Variants in PDZD8 observed in about 807,000 individuals in gnomAD.
PDZD8 encodes the protein PDZ domain containing 8.
A neutral mutation model predicts 85.8 loss-of-function variants in PDZD8; 14 were observed. That is an observed-to-expected ratio of 0.16 (90% CI 0.11 to 0.26). The LOEUF is 0.26. Among genes scored for constraint, PDZD8 ranks in the 10% least tolerant of loss-of-function variants. PDZD8 has a pLI of 1.00. For synonymous variants in PDZD8, 592 were observed against 568.6 expected (o/e 1.04, Z -0.59); for missense variants, 1,197 against 1,424.3 (o/e 0.84, Z 2.57).
chr10:117,319,433 A>ACACACACT (rs1403355327), intron 2 of PDZD8, among the ~76,000 whole-genome samples: 888 of 22,908 alleles, frequency 0.039, 11 homozygotes, highest in African/African-American at 0.052. Context: ...ACACACACAC[A>ACACACACT]CTCTTCATCT....
At chr10:117,335,407 T>C (rs1290150827) in intron 2 of PDZD8, among the ~76,000 whole-genome samples, 2 of 152,200 alleles carry the variant, frequency 1.3e-5, no homozygotes, top group African/African-American at 4.8e-5. Flanking sequence ...AAATATACAG[T>C]AAATGTAAAA....
chr10:117,365,688 C>T (rs1416180699), intron 1 of PDZD8, among the ~76,000 whole-genome samples: 1 of 152,076 alleles, frequency 6.6e-6, no homozygotes, highest in Non-Finnish European at 1.5e-5. Context: ...CAGTTTTATG[C>T]CAGTCTTAGC....
chr10:117,333,492 GA>G (rs1305269322), intron 2 of PDZD8, among the ~76,000 whole-genome samples: 3 of 152,038 alleles, frequency 2.0e-5, no homozygotes, highest in Non-Finnish European at 4.4e-5. Flanking sequence ...AACTACTCAG[GA>G]AAAAAGCAAA....
intron 2 of PDZD8, among the ~76,000 whole-genome samples, chr10:117,334,161 C>T (rs1215296146): frequency 6.6e-6 from 1 of 152,178 alleles, no homozygotes. Context: ...CAGAAGCCTG[C>T]TTTGAGATTA....
intron 2 of PDZD8, 56 bp from the exon 3 acceptor site, chr10:117,319,030 T>G: frequency 8.2e-7 from 1 of 1,224,928 alleles, no homozygotes; most frequent in Non-Finnish European, 1.2e-6. Flanking sequence ...TCATTAAAAT[T>G]TTTCTTTCTG....
chr10:117,324,108 A>G (rs1015826054), intron 2 of PDZD8, among the ~76,000 whole-genome samples: 4 of 150,584 alleles, frequency 2.7e-5, no homozygotes, highest in Non-Finnish European at 5.9e-5. Context: ...CACACCTGTA[A>G]TCTCAGCCAC....
At chr10:117,293,315 C>A (rs925503364) in intron 3 of PDZD8, among the ~76,000 whole-genome samples, 1 of 151,938 alleles carries the variant, frequency 6.6e-6, no homozygotes, top group Non-Finnish European at 1.5e-5. Flanking sequence ...ATATGCCTGG[C>A]ACTATAAAAC....
At chr10:117,348,071 T>C (rs1744414430) in intron 1 of PDZD8, among the ~76,000 whole-genome samples, 2 of 152,208 alleles carry the variant, frequency 1.3e-5, no homozygotes, top group Non-Finnish European at 2.9e-5. Flanking sequence ...CCAATTAAAT[T>C]GTAAGTTTTA....
At chr10:117,343,550 A>G (rs1844653849) in intron 1 of PDZD8, among the ~76,000 whole-genome samples, 1 of 152,222 alleles carries the variant, frequency 6.6e-6, no homozygotes, top group Non-Finnish European at 1.5e-5. Flanking sequence ...AAAAATTATA[A>G]TAACCATATA....
chr10:117,285,684 A>C, intron 4 of PDZD8: 1 of 1,201,824 alleles, frequency 8.3e-7, no homozygotes, highest in Non-Finnish European at 1.1e-6. Flanking sequence ...GATATCCTGG[A>C]GATGTTTACC....
chr10:117,278,295 A>G lies in PDZD8; in HGVS notation c.*4973T>C, dbSNP rs540858649. The G allele has an allele frequency of 3.3e-5, 5 of 152,374 alleles. No individual in the cohort carries two copies. The East Asian group carries it at 9.6e-4, about 29-fold the overall frequency. 9.4% of individuals were successfully genotyped at this position (152,374 alleles called of 1,614,324 possible). On this transcript the variant is annotated 3_prime_UTR_variant, in exon 5 of 5. Transcript: ENST00000334464. ...AGACTCCTGAAAGTTGTTCACATCAATGTGAAGACAAATTTTAAATGAAAA... is the reference window on the plus strand; with the variant it reads ...AGACTCCTGAAAGTTGTTCACATCAGTGTGAAGACAAATTTTAAATGAAAA...
rs751930045 is a variant in PDZD8, at chr10:117,284,157, T to C, written c.2576A>G (p.Lys859Arg). ...QNPTWCDYCK[K>R]KVWTKAASQC... The stretch of plus-strand genomic sequence containing the variant: ...GGAAGCTGCTTTAGTCCAAACTTTT[T>C]TCTTACAGTAGTCACACCATGTTGG... Residue 859 changes from lysine to arginine, a missense_variant, in exon 5 of 5, where the codon AAA becomes AGA. By Grantham distance (26) the Lys-to-Arg change is conservative. Coordinates refer to ENST00000334464, the MANE Select transcript of PDZD8 (RefSeq NM_173791.5). 1 of 1,614,190 alleles carries C rather than the reference T, an allele frequency of 6.2e-7. No homozygotes were observed.
At chr10:117,347,146 G>A (rs1013526851) in intron 1 of PDZD8, among the ~76,000 whole-genome samples, 80 of 151,438 alleles carry the variant, frequency 5.3e-4, no homozygotes, top group African/African-American at 1.8e-3. Flanking sequence ...CAATGGAACC[G>A]TTTCATTAAC....
intron 3 of PDZD8, among the ~76,000 whole-genome samples, chr10:117,291,332 A>C (rs146045939): frequency 0.032 from 4,877 of 151,724 alleles, 88 homozygotes; most frequent in South Asian, 0.039. Context: ...AGATTAAGAC[A>C]ATCCTGGCTA....
intron 1 of PDZD8, among the ~76,000 whole-genome samples, chr10:117,358,413 C>T (rs1467445744): frequency 2.0e-5 from 3 of 151,930 alleles, no homozygotes; most frequent in Admixed American, 2.0e-4. Context: ...ATGGCAAAAC[C>T]ACAATTACTT....
intron 3 of PDZD8, among the ~76,000 whole-genome samples, chr10:117,297,430 A>G (rs1184879859): frequency 6.6e-6 from 1 of 152,156 alleles, no homozygotes; most frequent in Non-Finnish European, 1.5e-5. Flanking sequence ...AAATGAAAAC[A>G]TGGCCACACA....
chr10:117,365,148 C>T (rs1845066530), intron 1 of PDZD8, among the ~76,000 whole-genome samples: 1 of 151,206 alleles, frequency 6.6e-6, no homozygotes, highest in African/African-American at 2.4e-5. Flanking sequence ...CAAAAATAAC[C>T]AACAAAATCT....
intron 2 of PDZD8, among the ~76,000 whole-genome samples, chr10:117,335,319 A>G (rs1844498207): frequency 6.6e-6 from 1 of 152,220 alleles, no homozygotes; most frequent in Non-Finnish European, 1.5e-5. Context: ...CACTAAAGGA[A>G]GTTCTGCAGG....
chr10:117,352,907 C>T (rs752514171), intron 1 of PDZD8, among the ~76,000 whole-genome samples: 3 of 151,982 alleles, frequency 2.0e-5, no homozygotes, highest in Admixed American at 6.6e-5. Flanking sequence ...GGCCAGCTAA[C>T]AGGGGCTTGC....
Sources: allele counts gnomAD v4.1 joint callset (sites outside exome capture counted in the v4.1 genomes callset), GRCh38; gene constraint gnomAD v4.1.1; transcripts MANE v1.5; gene names NCBI Gene and HGNC (gene_info 2026-07-23, HGNC 2026-07-21).